BCKDHB: variants seen among roughly 807,000 people sequenced by gnomAD.
BCKDHB encodes branched chain keto acid dehydrogenase E1 subunit beta.
In BCKDHB, 41 loss-of-function variants were observed where a neutral mutation model predicts 48.5. The ratio of observed to expected loss-of-function variants is 0.85; its 90% CI spans 0.66 to 1.10. The LOEUF is 1.10. BCKDHB is among the 50% of genes least tolerant of loss of function. The pLI is 0.00. For synonymous variants in BCKDHB, 201 were observed against 174.8 expected, an observed-to-expected ratio of 1.15 and a Z score of -1.18; for missense variants, 496 against 494.2, an observed-to-expected ratio of 1.00 and a Z score of -0.03.
chr6:80,113,788 C>T (rs761635500), intron 1 of BCKDHB, among the ~76,000 whole-genome samples: 2 of 152,186 alleles, frequency 1.3e-5, no homozygotes, highest in African/African-American at 4.8e-5. Context: ...TGGGAGCCGG[C>T]TGGAGCAAGT....
the BCKDHB span, among the ~76,000 whole-genome samples, chr6:80,360,463 A>G: frequency 6.6e-6 from 1 of 152,230 alleles, no homozygotes; most frequent in African/African-American, 2.4e-5. Flanking sequence ...TTATAAGTAT[A>G]ATAATTTAGA....
intron 9 of BCKDHB, among the ~76,000 whole-genome samples, chr6:80,281,793 T>A (rs1322804362): frequency 1.3e-5 from 2 of 152,004 alleles, no homozygotes; most frequent in Non-Finnish European, 2.9e-5. Flanking sequence ...CATCTAGCAG[T>A]CGGTTTTTAA....
chr6:80,279,596 A>T (rs1233385795), intron 9 of BCKDHB, among the ~76,000 whole-genome samples: 1 of 151,774 alleles, frequency 6.6e-6, no homozygotes, highest in Non-Finnish European at 1.5e-5. Context: ...TAGCAAAAAA[A>T]TCTTTATGTC....
intron 9 of BCKDHB, chr6:80,307,474 C>A: frequency 1.0e-6 from 1 of 985,012 alleles, no homozygotes; most frequent in Non-Finnish European, 1.2e-6. Flanking sequence ...TTTTCTATTA[C>A]ATTTTTTTCA....
the BCKDHB span, chr6:80,374,238 G>A: frequency 4.0e-6 from 3 of 749,440 alleles, no homozygotes; most frequent in Admixed American, 5.2e-5. Context: ...AATGGCCAGA[G>A]AGTCTACATC....
the BCKDHB span, among the ~76,000 whole-genome samples, chr6:80,353,631 G>T: frequency 1.3e-5 from 2 of 152,014 alleles, no homozygotes; most frequent in Non-Finnish European, 2.9e-5. Context: ...GAGGTGGGTG[G>T]ATCACAAGGT....
At chr6:80,289,324 G>C (rs888464600) in intron 9 of BCKDHB, among the ~76,000 whole-genome samples, 1 of 152,000 alleles carries the variant, frequency 6.6e-6, no homozygotes, top group Non-Finnish European at 1.5e-5. Flanking sequence ...TCCCTTCTTT[G>C]AAATAGTGAG....
the BCKDHB span, among the ~76,000 whole-genome samples, chr6:80,427,744 C>A: frequency 6.6e-6 from 1 of 152,116 alleles, no homozygotes; most frequent in Non-Finnish European, 1.5e-5. Flanking sequence ...GAATTCTAGG[C>A]TTACAATTTT....
chr6:80,203,674 A>G (rs1173670725), intron 8 of BCKDHB, among the ~76,000 whole-genome samples: 2 of 152,226 alleles, frequency 1.3e-5, no homozygotes, highest in East Asian at 3.9e-4. Flanking sequence ...TAGTCTTAAT[A>G]CTGTGGATTA....
the BCKDHB span, among the ~76,000 whole-genome samples, chr6:80,379,044 A>G: frequency 6.6e-6 from 1 of 152,104 alleles, no homozygotes; most frequent in African/African-American, 2.4e-5. Context: ...TCTTGCTGAA[A>G]CTATTCCAAA....
intron 9 of BCKDHB, among the ~76,000 whole-genome samples, chr6:80,278,162 A>G (rs1047823759): frequency 3.9e-5 from 6 of 152,188 alleles, no homozygotes; most frequent in Non-Finnish European, 7.3e-5. Flanking sequence ...GTTTACTGCA[A>G]TTTTATAATC....
downstream of BCKDHB, among the ~76,000 whole-genome samples, chr6:80,351,129 G>A (rs1468345081): frequency 6.6e-6 from 1 of 152,064 alleles, no homozygotes; most frequent in East Asian, 1.9e-4. Flanking sequence ...AGACTCATGG[G>A]GTTGTACTTC....
At chr6:80,359,053 G>A in the BCKDHB span, among the ~76,000 whole-genome samples, 4 of 152,108 alleles carry the variant, frequency 2.6e-5, no homozygotes. Context: ...AAAATAGTTC[G>A]AATCTCTCCC....
At chr6:80,137,323 G>T (rs1157038687) in intron 3 of BCKDHB, among the ~76,000 whole-genome samples, 1 of 152,058 alleles carries the variant, frequency 6.6e-6, no homozygotes, top group Non-Finnish European at 1.5e-5. Context: ...CAGAACTTTA[G>T]TTCTATATGA....
At chr6:80,118,031 T>C (rs890494147) in intron 1 of BCKDHB, among the ~76,000 whole-genome samples, 1 of 152,154 alleles carries the variant, frequency 6.6e-6, no homozygotes, top group Non-Finnish European at 1.5e-5. Flanking sequence ...CTTTATGAAA[T>C]GTATGCAATA....
intron 6 of BCKDHB, 95 bp from the exon 7 acceptor site, chr6:80,200,835 AAAAT>A (rs1774355327): frequency 1.0e-6 from 1 of 967,598 alleles, no homozygotes; most frequent in Non-Finnish European, 1.6e-6. Flanking sequence ...AACAAAAAAT[AAAAT>A]AAAGCTTTGC....
intron 9 of BCKDHB, among the ~76,000 whole-genome samples, chr6:80,336,816 G>T (rs567477110): frequency 2.0e-5 from 3 of 152,104 alleles, no homozygotes; most frequent in African/African-American, 7.2e-5. Context: ...CATGTGCATG[G>T]TGTTAACAAA....
At chr6:80,388,917 T>C in the BCKDHB span, among the ~76,000 whole-genome samples, 1 of 152,152 alleles carries the variant, frequency 6.6e-6, no homozygotes, top group African/African-American at 2.4e-5. Context: ...AGACTTTGCA[T>C]GGAAGGAGAA....
At chr6:80,169,663 G>C (rs1772792263) in intron 5 of BCKDHB, 3 of 591,818 alleles carry the variant, frequency 5.1e-6, no homozygotes, top group Non-Finnish European at 7.7e-6. Flanking sequence ...TTCTGTTTCT[G>C]TTTACTGAAT....
Sources: allele counts gnomAD v4.1 joint callset (sites outside exome capture counted in the v4.1 genomes callset), GRCh38; gene constraint gnomAD v4.1.1; transcripts MANE v1.5; gene names NCBI Gene and HGNC (gene_info 2026-07-23, HGNC 2026-07-21).